The following SGCZ variants were observed in gnomAD, a reference collection of about 807,000 sequenced individuals.
SGCZ encodes the protein zeta-sarcoglycan.
In SGCZ, 40 loss-of-function variants were observed where a neutral mutation model predicts 41.3. The ratio of observed to expected loss-of-function variants is 0.97; its 90% CI spans 0.75 to 1.26. The LOEUF (loss-of-function observed/expected upper bound fraction) is 1.26, where lower values mean the gene tolerates loss of function less well. SGCZ is among the 50% of genes most tolerant of loss of function. The probability of loss-of-function intolerance (pLI) is 0.00; values close to 1 mark genes in which losing one functional copy is unlikely to be tolerated. For missense variants in SGCZ, 552 were observed against 369.8 expected (o/e 1.49, Z -4.04); for synonymous variants, 206 against 137.5 (o/e 1.50, Z -3.49).
chr8:14,237,822 T>G, intron 3 of SGCZ, 143 bp from the exon 4 acceptor site: 1 of 630,964 alleles, frequency 1.6e-6, no homozygotes, highest in Non-Finnish European at 2.6e-6. Flanking sequence ...TCCCAATCAT[T>G]GGTGGACAAT....
intron 5 of SGCZ, among the ~76,000 whole-genome samples, chr8:14,123,725 G>A (rs1394538161): frequency 6.6e-6 from 1 of 152,156 alleles, no homozygotes; most frequent in South Asian, 2.1e-4. Flanking sequence ...TAGAATGGTA[G>A]ACATAATCGT....
intron 1 of SGCZ, among the ~76,000 whole-genome samples, chr8:14,790,708 A>T (rs951538921): frequency 7.2e-5 from 11 of 152,288 alleles, no homozygotes; most frequent in African/African-American, 2.2e-4. Flanking sequence ...TAACTACACT[A>T]ACACTGGAAA....
intron 1 of SGCZ, among the ~76,000 whole-genome samples, chr8:14,715,274 T>C (rs1031057): frequency 6.6e-6 from 1 of 151,668 alleles, no homozygotes; most frequent in African/African-American, 2.4e-5. Flanking sequence ...CTCCTCCTAA[T>C]AGAGTATGCC....
chr8:14,281,375 G>A (rs142261279), intron 3 of SGCZ, among the ~76,000 whole-genome samples: 9 of 151,852 alleles, frequency 5.9e-5, no homozygotes, highest in Admixed American at 2.0e-4. Context: ...TATTAGCTCC[G>A]TTCTCCACTA....
intron 1 of SGCZ, among the ~76,000 whole-genome samples, chr8:14,584,553 A>G (rs1206786180): frequency 3.3e-5 from 5 of 152,170 alleles, no homozygotes; most frequent in African/African-American, 1.2e-4. Flanking sequence ...ACGTGACATG[A>G]GGAAACAAGG....
intron 1 of SGCZ, among the ~76,000 whole-genome samples, chr8:14,681,027 C>T (rs1459323428): frequency 6.9e-6 from 1 of 145,426 alleles, no homozygotes; most frequent in African/African-American, 2.6e-5. Context: ...ATCTAACATA[C>T]TTTTAATTGA....
chr8:14,822,532 G>A (rs1014956298), intron 1 of SGCZ, among the ~76,000 whole-genome samples: 3 of 152,100 alleles, frequency 2.0e-5, no homozygotes, highest in African/African-American at 7.2e-5. Context: ...GTAATCCTGA[G>A]CAAAGATAAC....
chr8:14,146,058 T>G (rs1803511274), intron 5 of SGCZ, among the ~76,000 whole-genome samples: 1 of 152,052 alleles, frequency 6.6e-6, no homozygotes, highest in African/African-American at 2.4e-5. Context: ...TTCTCAAGCC[T>G]AAAGAAAGAT....
intron 1 of SGCZ, among the ~76,000 whole-genome samples, chr8:15,077,825 A>T (rs1805594414): frequency 6.6e-6 from 1 of 152,234 alleles, no homozygotes. Context: ...GGTACAAGAT[A>T]AAATGTACCA....
At chr8:14,899,098 A>G (rs1278459180) in intron 1 of SGCZ, among the ~76,000 whole-genome samples, 2 of 151,842 alleles carry the variant, frequency 1.3e-5, no homozygotes. Context: ...TTTTTCCTGG[A>G]ATTGAGGACA....
At chr8:14,339,732 G>A (rs984912470) in intron 2 of SGCZ, among the ~76,000 whole-genome samples, 1 of 152,074 alleles carries the variant, frequency 6.6e-6, no homozygotes. Flanking sequence ...AATAGATCTA[G>A]CCAAAAGGAT....
chr8:15,014,171 G>T (rs970416843), intron 1 of SGCZ, among the ~76,000 whole-genome samples: 1 of 152,178 alleles, frequency 6.6e-6, no homozygotes, highest in African/African-American at 2.4e-5. Context: ...CAAGCCTGGA[G>T]CACTGTGGTA....
chr8:15,217,203 G>C (rs1251685224), intron 1 of SGCZ, among the ~76,000 whole-genome samples: 1 of 151,728 alleles, frequency 6.6e-6, no homozygotes, highest in African/African-American at 2.4e-5. Context: ...GGATCACGAG[G>C]TCAGGAGATC....
At chr8:14,121,913 A>G (rs1453567160) in intron 5 of SGCZ, among the ~76,000 whole-genome samples, 1 of 152,220 alleles carries the variant, frequency 6.6e-6, no homozygotes, top group Admixed American at 6.5e-5. Context: ...ATGTGCATAC[A>G]TTGATACATA....
intron 1 of SGCZ, among the ~76,000 whole-genome samples, chr8:14,807,506 A>C (rs1363535926): frequency 6.6e-6 from 1 of 152,056 alleles, no homozygotes; most frequent in Non-Finnish European, 1.5e-5. Context: ...GAAAATACCT[A>C]GGAATCCAAC....
intron 2 of SGCZ, among the ~76,000 whole-genome samples, chr8:14,373,350 A>G (rs116522028): frequency 0.02 from 3,013 of 152,324 alleles, 79 homozygotes; most frequent in African/African-American, 0.056. Context: ...TAAGTGGTTG[A>G]GACCAACTTG....
At chr8:15,160,261 C>T (rs184861300) in intron 1 of SGCZ, among the ~76,000 whole-genome samples, 64 of 152,258 alleles carry the variant, frequency 4.2e-4, no homozygotes, top group Non-Finnish European at 7.1e-4. Flanking sequence ...AGAATAATGT[C>T]CTCAAGATTG....
At chr8:14,571,293 G>A (rs1332968431) in intron 1 of SGCZ, among the ~76,000 whole-genome samples, 2 of 152,300 alleles carry the variant, frequency 1.3e-5, no homozygotes, top group Non-Finnish European at 2.9e-5. Context: ...CGGCACAAGA[G>A]GAGTACAGTT....
chr8:14,169,823 T>C (rs1804321501), intron 4 of SGCZ, among the ~76,000 whole-genome samples: 1 of 152,198 alleles, frequency 6.6e-6, no homozygotes, highest in Non-Finnish European at 1.5e-5. Context: ...TTGGAGCTTT[T>C]AAGGCTAGCT....
Sources: gnomAD v4.1 joint callset for allele counts (sites outside exome capture counted in the v4.1 genomes callset) on GRCh38, gnomAD v4.1.1 for gene constraint, MANE v1.5 for transcripts, NCBI Gene and HGNC (gene_info 2026-07-23, HGNC 2026-07-21) for gene names.